FMN1: variants seen among roughly 807,000 people sequenced by gnomAD.
FMN1 encodes the protein formin 1, also known as formin-1.
In FMN1, 110 loss-of-function variants were observed where a neutral mutation model predicts 132.4. That is an observed-to-expected ratio of 0.83 (90% CI 0.71 to 0.97). The LOEUF is 0.97. Among genes scored for constraint, FMN1 ranks in the 50% least tolerant of loss-of-function variants. The probability of loss-of-function intolerance (pLI) is 0.00; values close to 1 mark genes in which losing one functional copy is unlikely to be tolerated. For missense variants in FMN1, 1,792 were observed against 1,705.3 expected, an observed-to-expected ratio of 1.05 and a Z score of -0.90; for synonymous variants, 722 against 651.7, an observed-to-expected ratio of 1.11 and a Z score of -1.64.
chr15:33,043,569 T>G (rs1023798785), intron 6 of FMN1, among the ~76,000 whole-genome samples: 1 of 152,254 alleles, frequency 6.6e-6, no homozygotes, highest in Admixed American at 6.5e-5. Flanking sequence ...TAAACTCCTT[T>G]AACTTTAATT....
At chr15:32,842,590 C>G (rs1392288508) in intron 17 of FMN1, among the ~76,000 whole-genome samples, 4 of 145,476 alleles carry the variant, frequency 2.7e-5, no homozygotes, top group African/African-American at 1.0e-4. Context: ...TCATTGTATT[C>G]ATAACATGCA....
intron 8 of FMN1, 67 bp from the exon 9 acceptor site, chr15:32,964,324 CTTTCTCTAATCCATTTTTTAATTTCAT>C: frequency 9.2e-7 from 1 of 1,092,466 alleles, no homozygotes; most frequent in Non-Finnish European, 1.3e-6. Context: ...ACAATGAAAT[CTTTCTCTAATCCATTTTTTAATTTCAT>C]TTTTCTAAAA....
chr15:32,904,477 G>C (rs780611535), intron 12 of FMN1, among the ~76,000 whole-genome samples: 1 of 152,150 alleles, frequency 6.6e-6, no homozygotes, highest in East Asian at 1.9e-4. Flanking sequence ...GATTGGATGG[G>C]AGAGGAAATT....
intron 4 of FMN1, among the ~76,000 whole-genome samples, chr15:33,125,463 T>C (rs1342290513): frequency 6.6e-6 from 1 of 151,990 alleles, no homozygotes; most frequent in African/African-American, 2.4e-5. Flanking sequence ...AAAGGAAATA[T>C]CTAATGGGGT....
chr15:32,873,045 G>C (rs557731907), intron 16 of FMN1, among the ~76,000 whole-genome samples: 1 of 152,184 alleles, frequency 6.6e-6, no homozygotes, highest in Admixed American at 6.5e-5. Context: ...CATGGAGCTG[G>C]CAGCCACTGC....
intron 12 of FMN1, among the ~76,000 whole-genome samples, chr15:32,905,207 C>T (rs911073671): frequency 6.6e-5 from 10 of 152,162 alleles, no homozygotes; most frequent in South Asian, 2.1e-4. Flanking sequence ...ACTCAGCTGA[C>T]GGGTGGAATG....
chr15:32,973,740 C>T (rs143590707), intron 7 of FMN1, among the ~76,000 whole-genome samples: 6 of 152,240 alleles, frequency 3.9e-5, no homozygotes, highest in Admixed American at 2.6e-4. Context: ...CATATCATAC[C>T]AATTATTTCA....
At chr15:33,014,242 T>A (rs1238860854) in intron 6 of FMN1, among the ~76,000 whole-genome samples, 1 of 152,240 alleles carries the variant, frequency 6.6e-6, no homozygotes, top group Non-Finnish European at 1.5e-5. Flanking sequence ...ACTAAGTTAG[T>A]GCTTTCCAAA....
chr15:32,968,812 A>C lies in FMN1; in HGVS notation c.2889T>G (p.Leu963=). The C allele has an allele frequency of 8.1e-6, 13 of 1,612,178 alleles. No homozygotes were observed. Among genetic ancestry groups the C allele is most frequent in the Non-Finnish European group, 1.1e-5 (13 of 1,179,366 alleles). Residue 963 remains leucine (L), a synonymous_variant, in exon 8 of 21, where the codon CTT becomes CTG. Transcript: ENST00000616417. The stretch of plus-strand genomic sequence containing the variant: ...GAGGACATTGACTGGAAGAAGAGCC[A>C]AGTCCAAAGAAGAGTCCAGGGGGAG... ...PPPPPGLFFG[L]GSSSSQCPRK...
intron 5 of FMN1, chr15:33,067,044 G>A (rs754379736): frequency 3.4e-5 from 55 of 1,613,790 alleles, no homozygotes; most frequent in South Asian, 2.0e-4. Context: ...TTCAGCACAC[G>A]AAGCCCACTG....
intron 7 of FMN1, among the ~76,000 whole-genome samples, chr15:32,987,250 C>G (rs1342360100): frequency 6.6e-6 from 1 of 152,058 alleles, no homozygotes; most frequent in South Asian, 2.1e-4. Context: ...ACCACATGAC[C>G]GCTGTAGCGT....
chr15:33,049,746 C>T (rs1357995540), intron 6 of FMN1, among the ~76,000 whole-genome samples: 1 of 152,170 alleles, frequency 6.6e-6, no homozygotes, highest in Non-Finnish European at 1.5e-5. Context: ...GCCAACTGTC[C>T]AAATCGTGTT....
intron 18 of FMN1, among the ~76,000 whole-genome samples, chr15:32,803,140 T>A (rs914776559): frequency 6.6e-6 from 1 of 152,196 alleles, no homozygotes; most frequent in African/African-American, 2.4e-5. Context: ...ATGGTTAATT[T>A]CTACAATCTG....
At chr15:32,919,680 T>TA (rs1434622507) in intron 10 of FMN1, among the ~76,000 whole-genome samples, 2 of 152,274 alleles carry the variant, frequency 1.3e-5, no homozygotes, top group East Asian at 1.9e-4. Flanking sequence ...GGGTGCACGA[T>TA]AAAAAAATTC....
At chr15:32,777,159 T>C (rs999735122) in intron 19 of FMN1, among the ~76,000 whole-genome samples, 3 of 152,164 alleles carry the variant, frequency 2.0e-5, no homozygotes, top group African/African-American at 7.2e-5. Context: ...CTGAAGCCTG[T>C]TTTTGTGAAC....
intron 7 of FMN1, among the ~76,000 whole-genome samples, chr15:32,981,540 A>T (rs189545498): frequency 0.026 from 2,664 of 100,924 alleles, 30 homozygotes; most frequent in Non-Finnish European, 0.036. Context: ...TAATAATAAT[A>T]ATAATTATTA....
intron 15 of FMN1, among the ~76,000 whole-genome samples, chr15:32,888,502 T>C (rs1447283052): frequency 2.0e-5 from 3 of 152,210 alleles, no homozygotes; most frequent in Non-Finnish European, 4.4e-5. Flanking sequence ...TTATTGGCAA[T>C]GAGGTCGGCT....
chr15:33,123,733 TTCC>T (rs1335689841), intron 4 of FMN1, among the ~76,000 whole-genome samples: 3 of 152,362 alleles, frequency 2.0e-5, no homozygotes, highest in East Asian at 1.9e-4. Context: ...AGCACATTGC[TTCC>T]TCCATTTGGC....
intron 6 of FMN1, among the ~76,000 whole-genome samples, chr15:33,018,986 G>T (rs191332990): frequency 1.3e-5 from 2 of 152,308 alleles, no homozygotes; most frequent in East Asian, 1.9e-4. Context: ...GTGAGCAGCA[G>T]CAAGATTTAT....
Sources: gnomAD v4.1 joint callset for allele counts (sites outside exome capture counted in the v4.1 genomes callset) on GRCh38, gnomAD v4.1.1 for gene constraint, MANE v1.5 for transcripts, NCBI Gene and HGNC (gene_info 2026-07-23, HGNC 2026-07-21) for gene names.